GRIK1: variants seen among roughly 807,000 people sequenced by gnomAD.
The protein encoded by GRIK1 is glutamate receptor ionotropic, kainate 1.
A neutral mutation model predicts 105.7 loss-of-function variants in GRIK1; 69 were observed. That is an observed-to-expected ratio of 0.65 (90% CI 0.54 to 0.80). GRIK1 has a LOEUF of 0.80. GRIK1 is among the 30% of genes least tolerant of loss of function. GRIK1 has a pLI of 0.00. For missense variants in GRIK1, 1,109 were observed against 1,167.3 expected (o/e 0.95, Z 0.73); for synonymous variants, 438 against 431.3 (o/e 1.02, Z -0.19).
intron 1 of GRIK1, among the ~76,000 whole-genome samples, chr21:29,881,323 A>C (rs2069400543): frequency 6.6e-6 from 1 of 152,092 alleles, no homozygotes; most frequent in Non-Finnish European, 1.5e-5. Context: ...TGCTTATTGA[A>C]GATTAACTTA....
chr21:29,561,739 G>A lies in GRIK1; in HGVS notation c.2241C>T (p.Asp747=). Residue 747 remains aspartate, a synonymous_variant, in exon 15 of 18, where the codon GAC becomes GAT. Coordinates refer to ENST00000327783, the MANE Select transcript of GRIK1 (RefSeq NM_001330994.2). ...DEGIQRVLTT[D]YALLMESTSI... Reference sequence around the variant, plus strand: ...TGGTGGACTCCATCAGCAGCGCGTAGTCTGTGGTGAGCACTCTCTGGATCC... The same window carrying A: ...TGGTGGACTCCATCAGCAGCGCGTAATCTGTGGTGAGCACTCTCTGGATCC... 1.2e-6 allele frequency: 2 copies of A among 1,613,712 alleles called. No individual in the cohort carries two copies. Among genetic ancestry groups the A allele is most frequent in the East Asian group, 2.2e-5 (1 of 44,878 alleles).
At chr21:29,759,328 AG>A (rs1264706982) in intron 1 of GRIK1, among the ~76,000 whole-genome samples, 3 of 152,094 alleles carry the variant, frequency 2.0e-5, no homozygotes, top group African/African-American at 7.2e-5. Context: ...CATGTTAGCC[AG>A]GATGGTCTCA....
intron 16 of GRIK1, among the ~76,000 whole-genome samples, chr21:29,540,077 T>C (rs1311754479): frequency 6.6e-6 from 1 of 152,212 alleles, no homozygotes; most frequent in Non-Finnish European, 1.5e-5. Context: ...ATCGCCCAAA[T>C]GAATCTCTGA....
At chr21:29,675,257 G>A (rs990487012) in intron 3 of GRIK1, among the ~76,000 whole-genome samples, 5 of 152,120 alleles carry the variant, frequency 3.3e-5, no homozygotes, top group Non-Finnish European at 7.3e-5. Context: ...TGGTGCTGAG[G>A]GAACAGATAT....
At chr21:29,922,587 C>T (rs1355547614) in intron 1 of GRIK1, among the ~76,000 whole-genome samples, 2 of 152,098 alleles carry the variant, frequency 1.3e-5, no homozygotes, top group African/African-American at 2.4e-5. Context: ...TTGGAAGCAA[C>T]CTAAATGAAC....
Position 29,543,830 on chromosome 21 carries a change from C to T in GRIK1, c.2608-5946G>A, listed in dbSNP as rs541580625. ...CCCAGCAGCCACGTCTTGCCTGGCC[C>T]GTTTTCTTGCAACTTTAAAGCTTTA... On this transcript the variant is annotated intron_variant, in intron 16 of 17. Transcript: ENST00000327783. 5.3e-5 allele frequency among the ~76,000 whole-genome samples: 8 copies of T among 152,278 alleles called. 1 individual carries two copies. Among genetic ancestry groups the T allele is most frequent in the Admixed American group, 3.9e-4 (6 of 15,296 alleles).
At chr21:29,735,843 T>A (rs1235438219) in intron 1 of GRIK1, among the ~76,000 whole-genome samples, 1 of 20,846 alleles carries the variant, frequency 4.8e-5, no homozygotes, top group Non-Finnish European at 1.3e-4. Flanking sequence ...TGAGACTCCG[T>A]CTCAAAAAAA....
chr21:29,770,081 GGA>G (rs1305475453), intron 1 of GRIK1, among the ~76,000 whole-genome samples: 1 of 152,106 alleles, frequency 6.6e-6, no homozygotes, highest in Non-Finnish European at 1.5e-5. Flanking sequence ...CTGATCTTCT[GGA>G]TGCGGGGAGA....
rs1395359088 is a variant in GRIK1, at chr21:29,653,427, T to A, written c.780+1383A>T. 1.3e-5 allele frequency among the ~76,000 whole-genome samples: 2 copies of A among 152,010 alleles called. 1 individual carries two copies. Among genetic ancestry groups the A allele is most frequent in the South Asian group, 4.1e-4 (2 of 4,828 alleles). ...CATCCCCTTGTGCATGCAGAATGAGTGTTAGGGGTGAAGAGGAATAAAAGT... is the reference window on the plus strand; with the variant it reads ...CATCCCCTTGTGCATGCAGAATGAGAGTTAGGGGTGAAGAGGAATAAAAGT... On this transcript the variant is annotated intron_variant, in intron 5 of 17. Coordinates refer to ENST00000327783, the MANE Select transcript of GRIK1 (RefSeq NM_001330994.2).
chr21:29,639,177 G>A (rs1398009741), intron 7 of GRIK1, among the ~76,000 whole-genome samples: 1 of 152,218 alleles, frequency 6.6e-6, no homozygotes, highest in African/African-American at 2.4e-5. Flanking sequence ...CTGAAGCACT[G>A]CACATGCTTA....
At chr21:29,548,737 T>C (rs2090084219) in intron 16 of GRIK1, among the ~76,000 whole-genome samples, 1 of 152,182 alleles carries the variant, frequency 6.6e-6, no homozygotes, top group Non-Finnish European at 1.5e-5. Context: ...ATAATATCAG[T>C]CAAATGCAGT....
chr21:29,548,993 T>A (rs2146107788), intron 16 of GRIK1, among the ~76,000 whole-genome samples: 1 of 152,332 alleles, frequency 6.6e-6, no homozygotes, highest in East Asian at 1.9e-4. Flanking sequence ...GACAACACTA[T>A]GTTTCATTGC....
intron 16 of GRIK1, among the ~76,000 whole-genome samples, chr21:29,539,052 G>A (rs1384191083): frequency 1.3e-5 from 2 of 151,842 alleles, no homozygotes; most frequent in African/African-American, 4.9e-5. Flanking sequence ...CCATTTTCCT[G>A]TAATACAGAA....
intron 1 of GRIK1, among the ~76,000 whole-genome samples, chr21:29,924,893 C>A (rs962155892): frequency 2.6e-5 from 4 of 152,124 alleles, no homozygotes; most frequent in Admixed American, 6.5e-5. Flanking sequence ...TTAATCACAA[C>A]CCCCCTTCCC....
intron 7 of GRIK1, among the ~76,000 whole-genome samples, chr21:29,599,310 C>T (rs770470453): frequency 3.5e-4 from 53 of 152,254 alleles, no homozygotes; most frequent in Non-Finnish European, 6.6e-4. Context: ...GGAAGTGAGT[C>T]CCTGCTTTTT....
chr21:29,608,690 C>A (rs961701383), intron 7 of GRIK1, among the ~76,000 whole-genome samples: 9 of 152,088 alleles, frequency 5.9e-5, no homozygotes, highest in South Asian at 2.1e-4. Flanking sequence ...TCATGTTTTT[C>A]TGAAGGTTTT....
chr21:29,718,443 G>T (rs979409428), intron 1 of GRIK1, among the ~76,000 whole-genome samples: 1 of 152,122 alleles, frequency 6.6e-6, no homozygotes, highest in African/African-American at 2.4e-5. Context: ...CACAAACCTG[G>T]TTTCCTTGGA....
chr21:29,903,622 T>A (rs920947514), intron 1 of GRIK1, among the ~76,000 whole-genome samples: 3 of 152,050 alleles, frequency 2.0e-5, no homozygotes, highest in African/African-American at 2.4e-5. Flanking sequence ...CATTAAAAAG[T>A]CAGGAAACAA....
At chr21:29,704,086 A>G (rs1466074669) in intron 1 of GRIK1, among the ~76,000 whole-genome samples, 8 of 152,214 alleles carry the variant, frequency 5.3e-5, no homozygotes, top group Non-Finnish European at 1.0e-4. Context: ...AAATTACCCA[A>G]AGCCAAAGTT....
Sources: gnomAD v4.1 joint callset for allele counts (sites outside exome capture counted in the v4.1 genomes callset) on GRCh38, gnomAD v4.1.1 for gene constraint, MANE v1.5 for transcripts, NCBI Gene and HGNC (gene_info 2026-07-23, HGNC 2026-07-21) for gene names.